CAMK1D: variants seen among roughly 807,000 people sequenced by gnomAD.
CAMK1D encodes calcium/calmodulin-dependent protein kinase type 1D.
In CAMK1D, 9 loss-of-function variants were observed where a neutral mutation model predicts 47.7. The observed-to-expected ratio is 0.19, with a 90% CI of 0.11 to 0.33. CAMK1D has a LOEUF of 0.33. Among genes scored for constraint, CAMK1D ranks in the 10% least tolerant of loss-of-function variants. CAMK1D has a pLI of 1.00. For missense variants in CAMK1D, 291 were observed against 488.7 expected, an observed-to-expected ratio of 0.60 and a Z score of 3.81; for synonymous variants, 184 against 184.9, an observed-to-expected ratio of 0.99 and a Z score of 0.04.
At chr10:12,429,736 G>A (rs907281944) in intron 1 of CAMK1D, among the ~76,000 whole-genome samples, 3 of 152,160 alleles carry the variant, frequency 2.0e-5, no homozygotes, top group Non-Finnish European at 2.9e-5. Context: ...ACAAACATTG[G>A]CACTAAGTTC....
At chr10:12,605,175 C>T (rs887748524) in intron 2 of CAMK1D, among the ~76,000 whole-genome samples, 27 of 152,238 alleles carry the variant, frequency 1.8e-4, no homozygotes, top group African/African-American at 6.0e-4. Context: ...CATGAGCCAC[C>T]GTGCCGGGTA....
intron 1 of CAMK1D, among the ~76,000 whole-genome samples, chr10:12,415,535 G>C (rs893972050): frequency 6.8e-6 from 1 of 146,832 alleles, no homozygotes; most frequent in Non-Finnish European, 1.5e-5. Context: ...CCTGACCTCA[G>C]GTGATCCACC....
At chr10:12,456,419 T>A (rs2768368) in intron 1 of CAMK1D, 1 of 152,148 alleles carries the variant, frequency 6.6e-6, no homozygotes, top group Non-Finnish European at 1.5e-5. Flanking sequence ...GCAAGTTTAA[T>A]AGGGAAGGTG....
chr10:12,402,176 A>G, intron 1 of CAMK1D, among the ~76,000 whole-genome samples: 1 of 152,096 alleles, frequency 6.6e-6, no homozygotes, highest in East Asian at 1.9e-4. Context: ...TCCTGACCTC[A>G]AGTGATCTGC....
At chr10:12,473,588 A>C (rs1298279547) in intron 1 of CAMK1D, among the ~76,000 whole-genome samples, 1 of 152,220 alleles carries the variant, frequency 6.6e-6, no homozygotes, top group Non-Finnish European at 1.5e-5. Context: ...CAGATGGAAG[A>C]ACTGAGGCCA....
At chr10:12,660,108 G>A (rs1033813246) in intron 2 of CAMK1D, among the ~76,000 whole-genome samples, 1 of 152,208 alleles carries the variant, frequency 6.6e-6, no homozygotes, top group Non-Finnish European at 1.5e-5. Context: ...CTAGAGAATG[G>A]CAATAGCAAG....
chr10:12,560,914 T>C (rs950028687), intron 2 of CAMK1D, among the ~76,000 whole-genome samples: 1 of 136,192 alleles, frequency 7.3e-6, no homozygotes, highest in African/African-American at 2.6e-5. Flanking sequence ...ATTTCTTTCT[T>C]TCTTTCTTTT....
chr10:12,503,163 T>C (rs1834759286), intron 1 of CAMK1D, among the ~76,000 whole-genome samples: 1 of 152,190 alleles, frequency 6.6e-6, no homozygotes, highest in Non-Finnish European at 1.5e-5. Context: ...TGCATGTGCA[T>C]GTGTGTATAT....
chr10:12,508,912 G>A (rs1399269407), intron 1 of CAMK1D, among the ~76,000 whole-genome samples: 2 of 152,158 alleles, frequency 1.3e-5, no homozygotes, highest in Non-Finnish European at 2.9e-5. Context: ...GGACACTCCT[G>A]GAAAATTCTT....
intron 1 of CAMK1D, among the ~76,000 whole-genome samples, chr10:12,437,981 A>G (rs886660304): frequency 6.6e-6 from 1 of 152,220 alleles, no homozygotes; most frequent in African/African-American, 2.4e-5. Context: ...CCTGCTGCCT[A>G]GCACAGACCC....
chr10:12,387,218 AGTTACC>A lies in CAMK1D; in HGVS notation c.92+37314_92+37319del, dbSNP rs1838523533. 5.3e-5 allele frequency among the ~76,000 whole-genome samples: 8 copies of A among 149,966 alleles called. No individual in the cohort carries two copies. The South Asian group carries it at 1.7e-3, about 31-fold the overall frequency. On this transcript the variant is annotated intron_variant, in intron 1 of 10. Coordinates refer to ENST00000619168, the MANE Select transcript of CAMK1D (RefSeq NM_153498.4). ...GACTCCATCTCAAAAAAAAAAAAAA[AGTTACC>A]GTTACATATTTCATTTTACAATTAT... is the stretch of plus-strand genomic sequence containing the variant.
At chr10:12,589,725 A>G (rs1837940652) in intron 2 of CAMK1D, among the ~76,000 whole-genome samples, 1 of 152,140 alleles carries the variant, frequency 6.6e-6, no homozygotes, top group Non-Finnish European at 1.5e-5. Flanking sequence ...GGAATTAGTA[A>G]TTTTCAGCAT....
chr10:12,670,480 T>C (rs1588763253), intron 3 of CAMK1D, among the ~76,000 whole-genome samples: 1 of 152,272 alleles, frequency 6.6e-6, no homozygotes, highest in South Asian at 2.1e-4. Flanking sequence ...GTTTTTTTAA[T>C]GGCACCTTTT....
At chr10:12,763,804 A>G (rs1836616256) in intron 4 of CAMK1D, among the ~76,000 whole-genome samples, 1 of 152,216 alleles carries the variant, frequency 6.6e-6, no homozygotes, top group Non-Finnish European at 1.5e-5. Flanking sequence ...GTTGGGGTTG[A>G]TATTCCAACT....
chr10:12,767,166 A>C (rs946104949), intron 4 of CAMK1D, among the ~76,000 whole-genome samples: 1 of 152,016 alleles, frequency 6.6e-6, no homozygotes, highest in African/African-American at 2.4e-5. Flanking sequence ...GGTCTCAGTC[A>C]ATTTATTTTT....
At chr10:12,683,067 G>A (rs1373328953) in intron 3 of CAMK1D, among the ~76,000 whole-genome samples, 5 of 150,476 alleles carry the variant, frequency 3.3e-5, no homozygotes, top group Non-Finnish European at 7.4e-5. Context: ...GATTACAGGT[G>A]CATGCCACCT....
At chr10:12,443,003 T>C (rs1464179210) in intron 1 of CAMK1D, among the ~76,000 whole-genome samples, 1 of 152,244 alleles carries the variant, frequency 6.6e-6, no homozygotes, top group Non-Finnish European at 1.5e-5. Context: ...TCTCTCACTA[T>C]TTCTTTGCTT....
At chr10:12,543,341 G>A (rs1329351172) in intron 1 of CAMK1D, among the ~76,000 whole-genome samples, 2 of 152,102 alleles carry the variant, frequency 1.3e-5, no homozygotes, top group Non-Finnish European at 1.5e-5. Context: ...TAGCCACCAC[G>A]CCTGGCCATT....
intron 5 of CAMK1D, among the ~76,000 whole-genome samples, chr10:12,790,870 C>T (rs2130997428): frequency 1.3e-5 from 2 of 152,076 alleles, no homozygotes; most frequent in East Asian, 1.9e-4. Context: ...GTGGCATGCA[C>T]CTGTGGTCCC....
Sources: allele counts gnomAD v4.1 joint callset (sites outside exome capture counted in the v4.1 genomes callset), GRCh38; gene constraint gnomAD v4.1.1; transcripts MANE v1.5; gene names NCBI Gene and HGNC (gene_info 2026-07-23, HGNC 2026-07-21).